Variants in ORC2 observed in about 807,000 individuals in gnomAD.
ORC2 encodes the protein origin recognition complex subunit 2.
A neutral mutation model predicts 77.7 loss-of-function variants in ORC2; 37 were observed. That is an observed-to-expected ratio of 0.48 (90% CI 0.37 to 0.63). ORC2 has a LOEUF of 0.63. Among genes scored for constraint, ORC2 ranks in the 20% least tolerant of loss-of-function variants. ORC2 has a pLI of 0.00. For missense variants in ORC2, 557 were observed against 661.9 expected, an observed-to-expected ratio of 0.84 and a Z score of 1.74; for synonymous variants, 201 against 229.5, an observed-to-expected ratio of 0.88 and a Z score of 1.12.
intron 3 of ORC2, 95 bp downstream of exon 3, chr2:200,957,935 T>C: frequency 2.6e-6 from 2 of 780,504 alleles, no homozygotes; most frequent in East Asian, 2.6e-5. Flanking sequence ...TCCTTTGCGC[T>C]ATATTTTCAA....
At chr2:200,933,184 T>C (rs945575208) in intron 10 of ORC2, among the ~76,000 whole-genome samples, 1 of 151,844 alleles carries the variant, frequency 6.6e-6, no homozygotes, top group African/African-American at 2.4e-5. Flanking sequence ...TTCTGTCTCC[T>C]CTCACAGAGA....
At chr2:200,927,614 C>T (rs1229703611) in intron 11 of ORC2, among the ~76,000 whole-genome samples, 6 of 150,024 alleles carry the variant, frequency 4.0e-5, no homozygotes, top group South Asian at 2.1e-4. Flanking sequence ...GGCGTGAACA[C>T]GGAAGGCGGA....
At chr2:200,949,506 C>T in intron 5 of ORC2, 48 bp downstream of exon 5, 1 of 1,015,336 alleles carries the variant, frequency 9.8e-7, no homozygotes. Context: ...GTTAAATCTA[C>T]CTTAGGAAAG....
intron 17 of ORC2, among the ~76,000 whole-genome samples, chr2:200,911,963 A>G (rs2040558324): frequency 6.6e-6 from 1 of 152,174 alleles, no homozygotes; most frequent in Non-Finnish European, 1.5e-5. Context: ...AATCTCACAG[A>G]TATTTTCAGT....
intron 4 of ORC2, among the ~76,000 whole-genome samples, chr2:200,951,419 G>A (rs966445777): frequency 6.6e-6 from 1 of 152,210 alleles, no homozygotes; most frequent in East Asian, 1.9e-4. Context: ...GTTAGAGTAT[G>A]TTGAGTTTCA....
chr2:200,954,681 TTAATA>T (rs2041432289), intron 4 of ORC2, among the ~76,000 whole-genome samples: 1 of 152,094 alleles, frequency 6.6e-6, no homozygotes, highest in Non-Finnish European at 1.5e-5. Flanking sequence ...TTTGACATTA[TTAATA>T]TAATAGTCTG....
At chr2:200,962,213 A>C (rs1273294776) in intron 1 of ORC2, among the ~76,000 whole-genome samples, 1 of 152,180 alleles carries the variant, frequency 6.6e-6, no homozygotes, top group Non-Finnish European at 1.5e-5. Context: ...TAACAATCAC[A>C]CAATAAAATG....
At chr2:200,915,579 C>T (rs567066751) in intron 15 of ORC2, among the ~76,000 whole-genome samples, 2 of 152,304 alleles carry the variant, frequency 1.3e-5, no homozygotes, top group African/African-American at 4.8e-5. Context: ...CAGTATTACA[C>T]AAACTAAGAC....
At chr2:200,936,357 T>C (rs1337688600) in intron 8 of ORC2, among the ~76,000 whole-genome samples, 3 of 152,188 alleles carry the variant, frequency 2.0e-5, no homozygotes, top group Non-Finnish European at 2.9e-5. Flanking sequence ...GACCAGTGAA[T>C]TGAGGGAAAA....
At chr2:200,925,296 T>G (rs1575158475) in intron 13 of ORC2, among the ~76,000 whole-genome samples, 1 of 151,900 alleles carries the variant, frequency 6.6e-6, no homozygotes, top group Admixed American at 6.6e-5. Context: ...CACTGCACTT[T>G]TGGAGTGTTT....
chr2:200,928,494 G>C (rs1270158079), intron 11 of ORC2, among the ~76,000 whole-genome samples: 1 of 151,790 alleles, frequency 6.6e-6, no homozygotes, highest in African/African-American at 2.4e-5. Context: ...CAGATGACTG[G>C]AGGCAAGGGA....
At chr2:200,945,006 G>A (rs781565930) in intron 5 of ORC2, among the ~76,000 whole-genome samples, 10 of 152,134 alleles carry the variant, frequency 6.6e-5, no homozygotes, top group African/African-American at 1.2e-4. Context: ...CCATCCATAC[G>A]TATTGTCTGT....
intron 4 of ORC2, among the ~76,000 whole-genome samples, chr2:200,953,133 AG>A (rs1250088302): frequency 6.6e-6 from 1 of 151,044 alleles, no homozygotes; most frequent in Non-Finnish European, 1.5e-5. Context: ...AAAAAAAAAA[AG>A]GCAATACTGT....
chr2:200,935,540 G>C (rs1184967177), intron 9 of ORC2, among the ~76,000 whole-genome samples, 159 bp downstream of exon 9: 1 of 152,210 alleles, frequency 6.6e-6, no homozygotes, highest in Admixed American at 6.5e-5. Flanking sequence ...AAGCCCAGAA[G>C]TAGAAACAAA....
At chr2:200,920,501 C>G in intron 14 of ORC2, 108 bp from the exon 15 acceptor site, 1 of 913,408 alleles carries the variant, frequency 1.1e-6, no homozygotes, top group Non-Finnish European at 1.5e-6. Flanking sequence ...AAATGAATCC[C>G]CAAGTTTTTC....
At chr2:200,956,321 C>T (rs2041463850) in intron 4 of ORC2, among the ~76,000 whole-genome samples, 1 of 152,038 alleles carries the variant, frequency 6.6e-6, no homozygotes, top group Non-Finnish European at 1.5e-5. Context: ...CCTCAACCTC[C>T]CAGGCTCAAG....
intron 15 of ORC2, among the ~76,000 whole-genome samples, chr2:200,915,603 T>C (rs2040633691): frequency 6.6e-6 from 1 of 152,202 alleles, no homozygotes; most frequent in Non-Finnish European, 1.5e-5. Context: ...CATCAGTCCT[T>C]GGGTATGCCA....
chr2:200,924,532 C>CA (rs1408565823), intron 13 of ORC2, among the ~76,000 whole-genome samples: 3 of 151,976 alleles, frequency 2.0e-5, no homozygotes, highest in African/African-American at 7.3e-5. Context: ...TTGTCATTAT[C>CA]AAAAAAATTA....
rs1559009331 is a variant in ORC2 at position 200,925,905 on chromosome 2, G to T, written c.1078C>A (p.Leu360Ile). ...SVLNSITEEV[L>I]DHMGTFRSIL... ...CTGCGGAAAGTACCCATATGATCGAGGACTTCTTCTGTTATAGAATTCAGG... is the reference window on the plus strand; with the variant it reads ...CTGCGGAAAGTACCCATATGATCGATGACTTCTTCTGTTATAGAATTCAGG... The change falls in exon 13 of 18, where the codon CTC (leucine) becomes ATC (isoleucine). Residue 360 changes from leucine to isoleucine, a missense_variant. Physicochemically the swap from Leu to Ile is conservative, Grantham distance 5 (BLOSUM62 2). Coordinates refer to ENST00000234296, the MANE Select transcript of ORC2 (RefSeq NM_006190.5). The T allele has an allele frequency of 1.3e-6, 2 of 1,589,338 alleles. No homozygotes were observed. The highest frequency in any genetic ancestry group is 2.2e-5 in the East Asian group (1 of 44,498).
Sources: gnomAD v4.1 joint callset for allele counts (sites outside exome capture counted in the v4.1 genomes callset) on GRCh38, gnomAD v4.1.1 for gene constraint, MANE v1.5 for transcripts, NCBI Gene and HGNC (gene_info 2026-07-23, HGNC 2026-07-21) for gene names.